PRKD1: variants seen among roughly 807,000 people sequenced by gnomAD.
The protein encoded by PRKD1 is serine/threonine-protein kinase D1.
In PRKD1, 63 loss-of-function variants were observed where a neutral mutation model predicts 95.9. The observed-to-expected ratio is 0.66, with a 90% confidence interval of 0.54 to 0.81. The LOEUF (loss-of-function observed/expected upper bound fraction) is 0.81. Among genes scored for constraint, PRKD1 ranks in the 30% least tolerant of loss-of-function variants. PRKD1 has a pLI of 0.00. For synonymous variants in PRKD1, 425 were observed against 423.1 expected, an observed-to-expected ratio of 1.00 and a Z score of -0.05; for missense variants, 1,048 against 1,165.3, an observed-to-expected ratio of 0.90 and a Z score of 1.47.
intron 13 of PRKD1, among the ~76,000 whole-genome samples, chr14:29,604,537 A>T (rs1893635590): frequency 6.6e-6 from 1 of 152,188 alleles, no homozygotes; most frequent in Non-Finnish European, 1.5e-5. Flanking sequence ...ATTCCATCAC[A>T]CAATGGAATG....
At chr14:29,641,953 C>T (rs575185830) in intron 4 of PRKD1, among the ~76,000 whole-genome samples, 11 of 136,858 alleles carry the variant, frequency 8.0e-5, no homozygotes, top group Non-Finnish European at 1.4e-4. Context: ...GCCCAGGCTG[C>T]AGTGCAATGG....
chr14:29,750,012 A>G (rs971477494), intron 1 of PRKD1, among the ~76,000 whole-genome samples: 1 of 152,174 alleles, frequency 6.6e-6, no homozygotes. Flanking sequence ...ATGAATGGCC[A>G]AGGGAATTAT....
chr14:29,829,394 C>A (rs2139291207), intron 1 of PRKD1, among the ~76,000 whole-genome samples: 1 of 152,294 alleles, frequency 6.6e-6, no homozygotes, highest in African/African-American at 2.4e-5. Flanking sequence ...TTAGGTATTT[C>A]AGTACCAGAT....
chr14:29,580,894 TAA>T (rs1181802292), intron 16 of PRKD1, among the ~76,000 whole-genome samples: 1 of 152,038 alleles, frequency 6.6e-6, no homozygotes, highest in Non-Finnish European at 1.5e-5. Flanking sequence ...ACTTATGAAA[TAA>T]AAAGTTAATG....
At chr14:29,922,670 G>C (rs1413199030) in intron 1 of PRKD1, among the ~76,000 whole-genome samples, 1 of 151,580 alleles carries the variant, frequency 6.6e-6, no homozygotes, top group East Asian at 2.0e-4. Flanking sequence ...GATTGCTTGA[G>C]GCCAGGAAAT....
intron 1 of PRKD1, among the ~76,000 whole-genome samples, chr14:29,897,401 C>T (rs965645500): frequency 6.6e-6 from 1 of 152,118 alleles, no homozygotes; most frequent in African/African-American, 2.4e-5. Context: ...TATTCCTGCA[C>T]ATATAATAAC....
rs1300889447 is a variant in PRKD1 at position 29,917,553 on chromosome 14, G to A, written c.264+9696C>T. ...ATTTGAACAAATTATTTTAGTTGAT[G>A]TAGAAATACGTTTCTGTTTGTGACA... On this transcript the variant is annotated intron_variant, in intron 1 of 17. Coordinates refer to ENST00000331968, the MANE Select transcript of PRKD1 (RefSeq NM_002742.3). Among the ~76,000 whole-genome samples the A allele has an allele frequency of 3.3e-5, 5 of 151,968 alleles. No homozygotes were observed. In the East Asian group the frequency reaches 5.8e-4, roughly 18 times the overall value.
intron 1 of PRKD1, among the ~76,000 whole-genome samples, chr14:29,750,148 G>T (rs1310701702): frequency 1.3e-5 from 2 of 151,980 alleles, no homozygotes; most frequent in Admixed American, 1.3e-4. Context: ...TTTCATAAGA[G>T]GATCCATTCA....
chr14:29,586,447 A>G (rs1892932081), intron 16 of PRKD1, among the ~76,000 whole-genome samples: 1 of 152,194 alleles, frequency 6.6e-6, no homozygotes, highest in Non-Finnish European at 1.5e-5. Flanking sequence ...CAACCTCCTC[A>G]AAAGGACTAA....
intron 16 of PRKD1, chr14:29,594,085 C>A: frequency 2.2e-6 from 1 of 451,836 alleles, no homozygotes. Context: ...AAATCACTTA[C>A]CAGAGGATTG....
intron 6 of PRKD1, among the ~76,000 whole-genome samples, 185 bp from the exon 7 acceptor site, chr14:29,636,679 G>C (rs1254243807): frequency 6.6e-6 from 1 of 152,004 alleles, no homozygotes; most frequent in Admixed American, 6.6e-5. Context: ...TTATTACATA[G>C]GTAAACTTGT....
chr14:29,927,547 C>A lies in PRKD1; in HGVS notation c.-35G>T, dbSNP rs1423533076. On this transcript the variant is annotated 5_prime_UTR_variant, in exon 1 of 18. Coordinates refer to ENST00000331968, the MANE Select transcript of PRKD1 (RefSeq NM_002742.3). ...GGGCGCAGGGCCGGGCAGCGGAGGGCGGGGGCTGGCGGCGCGGCAGCAGGA... is the reference window on the plus strand; with the variant it reads ...GGGCGCAGGGCCGGGCAGCGGAGGGAGGGGGCTGGCGGCGCGGCAGCAGGA... 8.8e-7 allele frequency: 1 copy of A among 1,133,772 alleles called. No individual in the cohort carries two copies. The highest frequency in any genetic ancestry group is 4.7e-5 in the East Asian group (1 of 21,092). 70.2% of individuals were successfully genotyped at this position (1,133,772 alleles called of 1,614,324 possible).
intron 1 of PRKD1, among the ~76,000 whole-genome samples, chr14:29,782,569 T>G (rs549142105): frequency 7.9e-5 from 12 of 152,338 alleles, no homozygotes; most frequent in African/African-American, 2.6e-4. Flanking sequence ...TCTCCTTCTG[T>G]TGCCCAGGCT....
At chr14:29,804,621 A>G (rs1223269981) in intron 1 of PRKD1, among the ~76,000 whole-genome samples, 2 of 152,176 alleles carry the variant, frequency 1.3e-5, no homozygotes, top group Non-Finnish European at 2.9e-5. Context: ...AATGTTTAAA[A>G]TAGAGTTACC....
At chr14:29,632,042 C>T (rs1001009829) in intron 9 of PRKD1, among the ~76,000 whole-genome samples, 15 of 151,972 alleles carry the variant, frequency 9.9e-5, no homozygotes, top group African/African-American at 2.9e-4. Context: ...CTCAAATGAT[C>T]CACCTGCCTC....
At chr14:29,672,732 C>T (rs1415944522) in intron 2 of PRKD1, among the ~76,000 whole-genome samples, 3 of 152,070 alleles carry the variant, frequency 2.0e-5, no homozygotes, top group Non-Finnish European at 2.9e-5. Flanking sequence ...TCACAGAAAT[C>T]TAATTATGCT....
intron 12 of PRKD1, among the ~76,000 whole-genome samples, chr14:29,624,630 A>G (rs1879495231): frequency 6.6e-6 from 1 of 152,192 alleles, no homozygotes; most frequent in East Asian, 1.9e-4. Context: ...AGTCCTGATA[A>G]GATAATGTAT....
At chr14:29,592,602 A>G (rs902553406) in intron 16 of PRKD1, 3 of 152,206 alleles carry the variant, frequency 2.0e-5, no homozygotes, top group African/African-American at 7.2e-5. Context: ...AAGACTATAA[A>G]GTGACTGGGA....
chr14:29,680,685 G>T (rs1883491057), intron 2 of PRKD1, among the ~76,000 whole-genome samples: 1 of 152,188 alleles, frequency 6.6e-6, no homozygotes, highest in African/African-American at 2.4e-5. Flanking sequence ...ACATTTAAGT[G>T]TGAAAACTCC....
Sources: allele counts gnomAD v4.1 joint callset (sites outside exome capture counted in the v4.1 genomes callset), GRCh38; gene constraint gnomAD v4.1.1; transcripts MANE v1.5; gene names NCBI Gene and HGNC (gene_info 2026-07-23, HGNC 2026-07-21).